Variants in DNAH17 observed in about 807,000 individuals in gnomAD.
DNAH17 encodes the protein axonemal beta dynein heavy chain 17.
A neutral mutation model predicts 485.6 loss-of-function variants in DNAH17; 376 were observed. The ratio of observed to expected loss-of-function variants is 0.77; its 90% CI spans 0.71 to 0.84. The LOEUF (loss-of-function observed/expected upper bound fraction) is 0.84. Ranked by LOEUF, DNAH17 falls within the 40% of genes least tolerant of loss-of-function variation. DNAH17 has a pLI of 0.00. For synonymous variants in DNAH17, 3,031 were observed against 2,405.9 expected (o/e 1.26, Z -7.60); for missense variants, 6,370 against 5,839.3 (o/e 1.09, Z -2.96).
At chr17:78,431,403 G>T (rs1245226164) in intron 75 of DNAH17, among the ~76,000 whole-genome samples, 2 of 151,858 alleles carry the variant, frequency 1.3e-5, no homozygotes, top group African/African-American at 4.8e-5. Flanking sequence ...TTCCCGCAGG[G>T]GGTGGGGGTG....
intron 34 of DNAH17, 105 bp downstream of exon 34, chr17:78,501,637 G>GC (rs2090293976): frequency 3.4e-6 from 5 of 1,467,744 alleles, no homozygotes; most frequent in East Asian, 4.6e-5. Context: ...CAGAGTCAGT[G>GC]CCCCAGGAAG....
chr17:78,453,317 A>G (rs751648574), intron 65 of DNAH17, 26 bp downstream of exon 65: 33 of 1,609,978 alleles, frequency 2.0e-5, no homozygotes, highest in Non-Finnish European at 2.7e-5. Context: ...TACCTGGCTC[A>G]AGCCACGGAG....
chr17:78,551,681 A>T, intron 15 of DNAH17, 43 bp from the exon 16 acceptor site: 1 of 1,597,420 alleles, frequency 6.3e-7, no homozygotes, highest in Non-Finnish European at 8.6e-7. Flanking sequence ...TGAACAATTC[A>T]GGCTGGGCGC....
chr17:78,484,745 C>CTGCCG, intron 48 of DNAH17, 123 bp downstream of exon 48: 2 of 438,022 alleles, frequency 4.6e-6, no homozygotes, highest in Non-Finnish European at 7.2e-6. Context: ...CAGCACCCCC[C>CTGCCG]CCACCGCCCC....
Position 78,454,550 on chromosome 17 carries a change from C to T in DNAH17, c.10326G>A (p.Val3442=), listed in dbSNP as rs541874415. 5.2e-5 allele frequency: 84 copies of T among 1,613,172 alleles called. 1 individual carries two copies. The South Asian group carries it at 9.2e-4, about 18-fold the overall frequency. Residue 3442 remains valine, a synonymous_variant, in exon 64 of 81, where the codon GTG becomes GTA. Transcript: ENST00000389840. ...ACTTGATTCCTTGGAGCTGGGCGTC[C>T]ACGATCAGCGGCCACCGCTCGGTGT... The part of the protein sequence containing the change: ...LGNTERWPLI[V]DAQLQGIKWI...
At chr17:78,444,908 G>A (rs2087216921) in intron 70 of DNAH17, 111 bp from the exon 71 acceptor site, 3 of 1,139,142 alleles carry the variant, frequency 2.6e-6, no homozygotes, top group Non-Finnish European at 3.6e-6. Context: ...GAGGAAACCG[G>A]GGCTCTGGGA....
At chr17:78,534,442 A>C (rs1410628055) in intron 19 of DNAH17, among the ~76,000 whole-genome samples, 2 of 152,182 alleles carry the variant, frequency 1.3e-5, no homozygotes, top group Non-Finnish European at 2.9e-5. Context: ...CACAGGGGAG[A>C]GAAACCTGAA....
At position 78,427,091 on chromosome 17, in the gene DNAH17, G is replaced by A. The variant is rs771038744; in HGVS notation, c.12606C>T (p.Asp4202=). The A allele has an allele frequency of 6.0e-5, 94 of 1,577,272 alleles. No individual in the cohort carries two copies. Among genetic ancestry groups the A allele is most frequent in the African/African-American group, 3.5e-4 (26 of 73,892 alleles). ...SREEKVKAVL[D]DILEKIPETF... Reference sequence around the variant, plus strand: ...TCTCCGGAATCTTCTCCAGGATGTCGTCCAGCACGGCCTTCACCTGGAAGC... The same window carrying A: ...TCTCCGGAATCTTCTCCAGGATGTCATCCAGCACGGCCTTCACCTGGAAGC... The change falls in exon 78 of 81, where the codon GAC becomes GAT. Residue 4202 remains aspartate (D), a synonymous_variant. Transcript: ENST00000389840.
At position 78,425,364 on chromosome 17, in the gene DNAH17, ACACGTAGGAGCCCTCT is replaced by A. The variant is rs779080641; in HGVS notation, c.13107_13122del (p.Glu4370ThrfsTer22). ...TCCTTACCTTCCATGAAGAGTCCGT[ACACGTAGGAGCCCTCT>A]CGCGGAGGAGCGGTCATGTCCTCTC... On this transcript the variant is annotated frameshift_variant, in exon 80 of 81. Coordinates refer to ENST00000389840, the MANE Select transcript of DNAH17 (RefSeq NM_173628.4). LOFTEE classifies it high-confidence loss of function. The A allele has an allele frequency of 3.1e-6, 5 of 1,613,916 alleles. No individual in the cohort carries two copies. In the Admixed American group the frequency reaches 8.3e-5, roughly 27 times the overall value.
intron 16 of DNAH17, among the ~76,000 whole-genome samples, chr17:78,549,192 T>TGG (rs1375193616): frequency 6.6e-6 from 1 of 152,086 alleles, no homozygotes; most frequent in Non-Finnish European, 1.5e-5. Context: ...GGCAAGTGCT[T>TGG]GGGTTTAGAT....
Position 78,491,476 on chromosome 17 carries a change from G to A in DNAH17, c.6636C>T (p.Ile2212=), listed in dbSNP as rs374484055. The part of the protein sequence containing the change: ...ILDGDIDPMW[I]ESLNTVMDDN... ...CATCCATGACTGTGTTGAGAGACTC[G>A]ATCCACATGGGGTCTATGTCTCCGT... Residue 2212 remains isoleucine (I), a synonymous_variant, in exon 43 of 81, where the codon ATC becomes ATT. Coordinates refer to ENST00000389840, the MANE Select transcript of DNAH17 (RefSeq NM_173628.4). The A allele has an allele frequency of 9.3e-6, 15 of 1,613,072 alleles. No individual in the cohort carries two copies. The African/African-American group carries it at 1.3e-4, about 14-fold the overall frequency.
intron 51 of DNAH17, among the ~76,000 whole-genome samples, chr17:78,478,043 TCATTACCATTATCATCTC>T (rs2089141121): frequency 3.3e-5 from 4 of 123,042 alleles, no homozygotes; most frequent in African/African-American, 1.3e-4. Context: ...CACACCACCA[TCATTACCATTATCATCTC>T]CACCATCACC....
chr17:78,492,818 G>A, intron 41 of DNAH17, 53 bp from the exon 42 acceptor site: 1 of 1,556,430 alleles, frequency 6.4e-7, no homozygotes, highest in Non-Finnish European at 8.7e-7. Flanking sequence ...GGCACATCCT[G>A]CCCCACTAGC....
Position 78,468,771 on chromosome 17 carries a change from A to G in DNAH17, c.8624T>C (p.Leu2875Pro). Residue 2875 changes from leucine (L) to proline (P), a missense_variant, in exon 55 of 81, where the codon CTG becomes CCG. Leu to Pro is a moderately conservative substitution (Grantham distance 98). Coordinates refer to ENST00000389840, the MANE Select transcript of DNAH17 (RefSeq NM_173628.4). ...EEQFLVLIND[L>P]LASGEIPGLF... ...CCCAGGGATCTCTCCTGAGGCCAGCAGGTCATTGATCAGCACCAGAAACTG... is the reference window on the plus strand; with the variant it reads ...CCCAGGGATCTCTCCTGAGGCCAGCGGGTCATTGATCAGCACCAGAAACTG... 1.9e-6 allele frequency: 3 copies of G among 1,614,048 alleles called. No homozygotes were observed. Among genetic ancestry groups the G allele is most frequent in the Non-Finnish European group, 1.7e-6 (2 of 1,179,896 alleles).
chr17:78,490,566 C>T (rs578179506), intron 44 of DNAH17, 133 bp downstream of exon 44: 3 of 1,297,478 alleles, frequency 2.3e-6, no homozygotes, highest in South Asian at 1.5e-5. Flanking sequence ...ACTGCTGTGA[C>T]ACTGGTGCCT....
At chr17:78,476,547 A>AGAGG (rs1271957900) in intron 52 of DNAH17, 25 bp downstream of exon 52, 1 of 1,597,852 alleles carries the variant, frequency 6.3e-7, no homozygotes, top group East Asian at 2.3e-5. Flanking sequence ...TGGGCTCGGC[A>AGAGG]GAGGGACTGG....
chr17:78,464,507 C>A (rs951473339), intron 56 of DNAH17, among the ~76,000 whole-genome samples: 1 of 152,176 alleles, frequency 6.6e-6, no homozygotes, highest in Non-Finnish European at 1.5e-5. Flanking sequence ...GTGATCTGCC[C>A]GCTTTGGCCC....
At chr17:78,571,449 T>C (rs2092356453) in intron 4 of DNAH17, 71 bp from the exon 5 acceptor site, 1 of 1,475,022 alleles carries the variant, frequency 6.8e-7, no homozygotes, top group Non-Finnish European at 9.4e-7. Flanking sequence ...CCTGACCTTG[T>C]GGCTGGCTGG....
chr17:78,511,869 T>C (rs965591604), intron 26 of DNAH17, among the ~76,000 whole-genome samples: 1 of 152,260 alleles, frequency 6.6e-6, no homozygotes, highest in Non-Finnish European at 1.5e-5. Flanking sequence ...AAGGGGCACA[T>C]GAACCTGTTA....
Sources: gnomAD v4.1 joint callset for allele counts (sites outside exome capture counted in the v4.1 genomes callset) on GRCh38, gnomAD v4.1.1 for gene constraint, MANE v1.5 for transcripts, NCBI Gene and HGNC (gene_info 2026-07-23, HGNC 2026-07-21) for gene names.